Variants in EPHA3 observed in about 807,000 individuals in gnomAD.
The protein encoded by EPHA3 is EPH receptor A3.
Under a neutral mutation model 107.1 loss-of-function variants are expected in EPHA3, and 42 were observed. That is an observed-to-expected ratio of 0.39 (90% CI 0.31 to 0.51). The LOEUF (loss-of-function observed/expected upper bound fraction) is 0.51, where lower values mean the gene tolerates loss of function less well. EPHA3 is among the 20% of genes least tolerant of loss of function. EPHA3 has a pLI of 0.78. For synonymous variants in EPHA3, 461 were observed against 424.8 expected, an observed-to-expected ratio of 1.09 and a Z score of -1.05; for missense variants, 1,183 against 1,211.2, an observed-to-expected ratio of 0.98 and a Z score of 0.35.
intron 11 of EPHA3, among the ~76,000 whole-genome samples, chr3:89,422,957 G>A (rs1223380413): frequency 6.6e-6 from 1 of 151,224 alleles, no homozygotes; most frequent in Non-Finnish European, 1.5e-5. Flanking sequence ...GGGGGCACAG[G>A]CTCTGCTCAC....
At chr3:89,368,318 T>C (rs1366330449) in intron 5 of EPHA3, among the ~76,000 whole-genome samples, 1 of 150,372 alleles carries the variant, frequency 6.7e-6, no homozygotes, top group Non-Finnish European at 1.5e-5. Flanking sequence ...AGCAGAACTA[T>C]AAGGTAGTAT....
chr3:89,280,292 G>A (rs1240845578), intron 3 of EPHA3, among the ~76,000 whole-genome samples: 3 of 152,156 alleles, frequency 2.0e-5, no homozygotes, highest in Non-Finnish European at 4.4e-5. Flanking sequence ...CAAGAAGTGA[G>A]TAGGTATAGA....
At position 89,173,778 on chromosome 3, in the gene EPHA3, A is replaced by G. The variant is rs147872007; in HGVS notation, c.154-36082A>G. 5.0e-3 allele frequency among the ~76,000 whole-genome samples: 764 copies of G among 152,146 alleles called. 5 individuals are homozygous for G. The highest frequency in any genetic ancestry group is 8.3e-3 in the Non-Finnish European group (564 of 67,900). ...AGCATATCTGAGGCAATTCTTGAGA[A>G]CTAAAACAATGTGTTTAGTTTTAAG... On this transcript the variant is annotated intron_variant, in intron 2 of 16. Transcript: ENST00000336596.
At chr3:89,220,587 T>C (rs1383600907) in intron 3 of EPHA3, among the ~76,000 whole-genome samples, 1 of 152,164 alleles carries the variant, frequency 6.6e-6, no homozygotes, top group African/African-American at 2.4e-5. Flanking sequence ...ATATCAAATA[T>C]AAAGCATTTG....
intron 3 of EPHA3, among the ~76,000 whole-genome samples, chr3:89,267,376 G>T (rs1705561895): frequency 6.6e-6 from 1 of 152,066 alleles, no homozygotes; most frequent in African/African-American, 2.4e-5. Flanking sequence ...ATTATCCTTG[G>T]CTATTTTACA....
At chr3:89,166,775 A>G (rs1705081841) in intron 2 of EPHA3, among the ~76,000 whole-genome samples, 1 of 152,192 alleles carries the variant, frequency 6.6e-6, no homozygotes, top group South Asian at 2.1e-4. Context: ...AACCTAAACA[A>G]AATGCACCCT....
At chr3:89,389,750 A>G (rs1214628008) in intron 5 of EPHA3, among the ~76,000 whole-genome samples, 1 of 152,232 alleles carries the variant, frequency 6.6e-6, no homozygotes, top group African/African-American at 2.4e-5. Flanking sequence ...ATCAAGTGTA[A>G]TTCTAACACA....
chr3:89,274,702 G>T (rs1175058680), intron 3 of EPHA3, among the ~76,000 whole-genome samples: 1 of 151,966 alleles, frequency 6.6e-6, no homozygotes, highest in African/African-American at 2.4e-5. Context: ...TGCCTGCCTT[G>T]TACCTTGGGC....
Position 89,435,900 on chromosome 3 carries a change from C to T in EPHA3, c.2346+4541C>T, listed in dbSNP as rs551661150. ...CCTGGGAGGCAGAGGTTGCAGCGAA[C>T]GGAGATTGTGCCATTGCACTCTAGC... On this transcript the variant is annotated intron_variant, in intron 13 of 16. Transcript: ENST00000336596. Among the ~76,000 whole-genome samples, 473 of 150,534 alleles carry T rather than the reference C, an allele frequency of 3.1e-3. 2 individuals carry two copies. Among genetic ancestry groups the T allele is most frequent in the Non-Finnish European group, 3.3e-3 (226 of 67,686 alleles).
chr3:89,319,764 T>G (rs1385139932), intron 3 of EPHA3, among the ~76,000 whole-genome samples: 2 of 151,982 alleles, frequency 1.3e-5, no homozygotes, highest in Non-Finnish European at 2.9e-5. Context: ...TCCTCTCTCT[T>G]TTAATTTCTA....
Position 89,136,608 on chromosome 3 carries a change from G to A in EPHA3, c.153+9335G>A, listed in dbSNP as rs376514295. Reference sequence around the variant, plus strand: ...GATTAGAATTTTAAAAATATGGCATGTACTATATTTCATTTCTTTTACTTT... The same window carrying A: ...GATTAGAATTTTAAAAATATGGCATATACTATATTTCATTTCTTTTACTTT... On this transcript the variant is annotated intron_variant, in intron 2 of 16. Coordinates refer to ENST00000336596, the MANE Select transcript of EPHA3 (RefSeq NM_005233.6). Among the ~76,000 whole-genome samples the A allele has an allele frequency of 2.8e-4, 42 of 151,646 alleles. No individual in the cohort carries two copies. The South Asian group carries it at 7.5e-3, about 27-fold the overall frequency.
At chr3:89,319,704 A>G (rs1183803365) in intron 3 of EPHA3, among the ~76,000 whole-genome samples, 6 of 151,856 alleles carry the variant, frequency 4.0e-5, no homozygotes, top group African/African-American at 1.5e-4. Flanking sequence ...TTGTGCAAAA[A>G]CTGGGGGCCT....
At chr3:89,116,190 C>T (rs1229392780) in intron 1 of EPHA3, among the ~76,000 whole-genome samples, 2 of 152,114 alleles carry the variant, frequency 1.3e-5, no homozygotes, top group African/African-American at 4.8e-5. Context: ...TCAAACACTC[C>T]TTTCATCACC....
chr3:89,421,468 T>A (rs1709351749), intron 11 of EPHA3, among the ~76,000 whole-genome samples: 1 of 151,202 alleles, frequency 6.6e-6, no homozygotes, highest in African/African-American at 2.4e-5. Flanking sequence ...TAACTACTTC[T>A]ATCACCCAGA....
chr3:89,166,566 C>A (rs1705074516), intron 2 of EPHA3, among the ~76,000 whole-genome samples: 4 of 152,140 alleles, frequency 2.6e-5, no homozygotes, highest in Admixed American at 2.6e-4. Context: ...AAAAACAGTT[C>A]TTTGAAACAA....
At chr3:89,352,835 G>A (rs202099210) in intron 5 of EPHA3, among the ~76,000 whole-genome samples, 5 of 147,594 alleles carry the variant, frequency 3.4e-5, no homozygotes, top group African/African-American at 1.0e-4. Context: ...CCCAGGAGGC[G>A]GAGGTTGCAG....
At chr3:89,356,149 C>A (rs1707949015) in intron 5 of EPHA3, among the ~76,000 whole-genome samples, 2 of 150,834 alleles carry the variant, frequency 1.3e-5, no homozygotes, top group South Asian at 2.1e-4. Context: ...CATGTCCCTA[C>A]AGAGGACATG....
intron 3 of EPHA3, among the ~76,000 whole-genome samples, chr3:89,219,692 T>TTTTG (rs1704310160): frequency 1.2e-4 from 1 of 8,424 alleles, no homozygotes. Context: ...GGCAATGTTT[T>TTTTG]TTTTTTTTTT....
intron 3 of EPHA3, among the ~76,000 whole-genome samples, chr3:89,332,210 G>T (rs965236636): frequency 2.0e-5 from 3 of 152,128 alleles, no homozygotes; most frequent in Non-Finnish European, 2.9e-5. Context: ...CCTTGAAAGT[G>T]GACAGCCAAA....
Sources: gnomAD v4.1 joint callset for allele counts (sites outside exome capture counted in the v4.1 genomes callset) on GRCh38, gnomAD v4.1.1 for gene constraint, MANE v1.5 for transcripts, NCBI Gene and HGNC (gene_info 2026-07-23, HGNC 2026-07-21) for gene names.